The following HAT1 variants were observed in gnomAD, a reference collection of about 807,000 sequenced individuals.
The protein encoded by HAT1 is histone acetyltransferase 1.
Under a neutral mutation model 56.6 loss-of-function variants are expected in HAT1, and 20 were observed. That is an observed-to-expected ratio of 0.35 (90% confidence interval 0.25 to 0.51). The LOEUF (loss-of-function observed/expected upper bound fraction) is 0.51, where lower values mean the gene tolerates loss of function less well. Among genes scored for constraint, HAT1 ranks in the 20% least tolerant of loss-of-function variants. The pLI, the probability that HAT1 is intolerant of heterozygous loss-of-function variation, is 0.95. For synonymous variants in HAT1, 146 were observed against 165.5 expected (o/e 0.88, Z 0.91); for missense variants, 408 against 504.3 (o/e 0.81, Z 1.83).
At chr2:171,981,593 T>C (rs1471263700) in intron 10 of HAT1, among the ~76,000 whole-genome samples, 1 of 152,244 alleles carries the variant, frequency 6.6e-6, no homozygotes, top group Non-Finnish European at 1.5e-5. Context: ...GTCATTGTAA[T>C]TCTGTTCACA....
chr2:171,979,224 C>T, intron 9 of HAT1, 23 bp from the exon 10 acceptor site: 3 of 1,098,030 alleles, frequency 2.7e-6, no homozygotes, highest in South Asian at 1.4e-5. Context: ...AAAATGTTCG[C>T]ATTTTCTTTT....
chr2:171,922,612 C>T (rs28372952), intron 1 of HAT1, 105 bp downstream of exon 1: 108,992 of 1,009,002 alleles, frequency 0.11, 9,403 homozygotes, highest in African/African-American at 0.39. Flanking sequence ...GGGCTGTAGC[C>T]TGGGTTCCAG....
rs766993128 is a variant in HAT1 at position 171,979,330 on chromosome 2, G to A, written c.1059G>A (p.Leu353=). The change falls in exon 10 of 11, where the codon CTG becomes CTA. Residue 353 remains leucine, a synonymous_variant. Coordinates refer to ENST00000264108, the MANE Select transcript of HAT1 (RefSeq NM_003642.4). ...CCGAACAATACAGAAGCTACAGACTGGATATTAAAAGAAGACTAATTAGCC... is the reference window on the plus strand; with the variant it reads ...CCGAACAATACAGAAGCTACAGACTAGATATTAAAAGAAGACTAATTAGCC... ...SDAEQYRSYR[L]DIKRRLISPY... 1.0e-5 allele frequency: 16 copies of A among 1,596,560 alleles called. No individual in the cohort carries two copies. Among genetic ancestry groups the A allele is most frequent in the Middle Eastern group, 1.7e-4 (1 of 6,030 alleles).
intron 2 of HAT1, among the ~76,000 whole-genome samples, chr2:171,929,493 T>A (rs970300423): frequency 2.0e-5 from 3 of 152,226 alleles, no homozygotes; most frequent in Admixed American, 6.5e-5. Context: ...TTATTAATTT[T>A]AAAAATTTCT....
intron 2 of HAT1, among the ~76,000 whole-genome samples, chr2:171,944,086 C>A (rs1687096537): frequency 6.6e-6 from 1 of 151,328 alleles, no homozygotes; most frequent in Non-Finnish European, 1.5e-5. Flanking sequence ...TTCAAGGTTG[C>A]TGTGAGCTGT....
intron 9 of HAT1, 52 bp from the exon 10 acceptor site, chr2:171,979,195 T>G: frequency 7.4e-6 from 6 of 810,124 alleles, no homozygotes; most frequent in Non-Finnish European, 1.2e-5. Flanking sequence ...TTTGGGAAAG[T>G]GTCATTATTT....
At chr2:171,962,561 CT>C (rs1687599341) in intron 4 of HAT1, among the ~76,000 whole-genome samples, 1 of 152,038 alleles carries the variant, frequency 6.6e-6, no homozygotes, top group Admixed American at 6.6e-5. Flanking sequence ...CGCCCAGCTA[CT>C]TTTGTATTTT....
intron 4 of HAT1, among the ~76,000 whole-genome samples, chr2:171,963,440 A>G (rs1687618937): frequency 6.6e-6 from 1 of 152,180 alleles, no homozygotes; most frequent in African/African-American, 2.4e-5. Context: ...CTTGAAACTT[A>G]GAGTTTCTGA....
At chr2:171,930,234 G>T (rs145950606) in intron 2 of HAT1, among the ~76,000 whole-genome samples, 2 of 152,110 alleles carry the variant, frequency 1.3e-5, no homozygotes, top group African/African-American at 4.8e-5. Flanking sequence ...GTGCAGTAGC[G>T]TGATCTCCAC....
At chr2:171,966,168 C>A (rs1056796148) in intron 6 of HAT1, 7 of 604,220 alleles carry the variant, frequency 1.2e-5, no homozygotes, top group Non-Finnish European at 1.8e-5. Flanking sequence ...CTTTTACTTG[C>A]CACCTATTCA....
At chr2:171,929,170 A>T (rs1197185772) in intron 2 of HAT1, among the ~76,000 whole-genome samples, 1 of 152,212 alleles carries the variant, frequency 6.6e-6, no homozygotes, top group East Asian at 1.9e-4. Flanking sequence ...AGTACTTCAT[A>T]GTGGTTGTAA....
intron 4 of HAT1, 164 bp from the exon 5 acceptor site, chr2:171,965,174 T>A: frequency 1.7e-6 from 1 of 579,280 alleles, no homozygotes; most frequent in Non-Finnish European, 3.1e-6. Context: ...TGATGCAGTT[T>A]GTGCACAGGA....
chr2:171,932,461 T>G (rs1381022209), intron 2 of HAT1, among the ~76,000 whole-genome samples: 2 of 152,238 alleles, frequency 1.3e-5, no homozygotes, highest in Non-Finnish European at 2.9e-5. Context: ...ACTGTTCTGA[T>G]CTTCTGTTTC....
At chr2:171,938,173 C>T (rs887007225) in intron 2 of HAT1, among the ~76,000 whole-genome samples, 2 of 151,900 alleles carry the variant, frequency 1.3e-5, no homozygotes, top group African/African-American at 4.8e-5. Flanking sequence ...AGGAGGATTG[C>T]TTAAGGCTAG....
chr2:171,940,970 A>C (rs181212186), intron 2 of HAT1, among the ~76,000 whole-genome samples: 3 of 152,310 alleles, frequency 2.0e-5, no homozygotes, highest in Admixed American at 2.0e-4. Flanking sequence ...GACTTACCAA[A>C]ACTGTGACTG....
In HAT1 at chr2:171,965,496, C is replaced by T; in HGVS notation, c.468C>T (p.Asn156=). 1.9e-6 allele frequency: 3 copies of T among 1,588,394 alleles called. No homozygotes were observed. Among genetic ancestry groups the T allele is most frequent in the Non-Finnish European group, 2.6e-6 (3 of 1,165,718 alleles). ...YSVLSPTGGE[N]FTFQIYKADM... ...TTCTCAGTCCAACAGGAGGAGAAAA[C>T]TTTACCTTTCAGATATATAAGGTAA... The change falls in exon 5 of 11, where the codon AAC becomes AAT. Residue 156 remains asparagine, a synonymous_variant. Transcript: ENST00000264108.
chr2:171,928,751 G>T (rs13409337), intron 2 of HAT1, among the ~76,000 whole-genome samples: 29 of 152,158 alleles, frequency 1.9e-4, no homozygotes, highest in African/African-American at 6.3e-4. Context: ...CTTCATGATC[G>T]CCTGCCTTGG....
At chr2:171,933,916 T>G (rs1686803662) in intron 2 of HAT1, among the ~76,000 whole-genome samples, 1 of 152,226 alleles carries the variant, frequency 6.6e-6, no homozygotes, top group African/African-American at 2.4e-5. Context: ...CTTAATAGTA[T>G]TAAAGTCTTT....
At chr2:171,960,679 T>G (rs1392729433) in intron 4 of HAT1, among the ~76,000 whole-genome samples, 1 of 152,166 alleles carries the variant, frequency 6.6e-6, no homozygotes. Flanking sequence ...TAAACTTGAT[T>G]ATTCAGACAC....
Sources: gnomAD v4.1 joint callset for allele counts (sites outside exome capture counted in the v4.1 genomes callset) on GRCh38, gnomAD v4.1.1 for gene constraint, MANE v1.5 for transcripts, NCBI Gene and HGNC (gene_info 2026-07-23, HGNC 2026-07-21) for gene names.